The following GPC3 variants were observed in gnomAD, a reference collection of about 807,000 sequenced individuals.
GPC3 encodes glypican-3.
A neutral mutation model predicts 34.4 loss-of-function variants in GPC3; 3 were observed. The observed-to-expected ratio is 0.09, with a 90% CI of 0.04 to 0.23. The LOEUF (loss-of-function observed/expected upper bound fraction) is 0.23, where lower values mean the gene tolerates loss of function less well. GPC3 is among the 10% of genes least tolerant of loss of function. GPC3 has a pLI of 1.00. For synonymous variants in GPC3, 177 were observed against 174.0 expected (o/e 1.02, Z -0.13); for missense variants, 351 against 445.6 (o/e 0.79, Z 1.91).
At chrX:133,791,280 G>A (rs1264753270) in intron 2 of GPC3, among the ~76,000 whole-genome samples, 1 of 111,375 alleles carries the variant, frequency 9.0e-6, no homozygotes, top group Admixed American at 9.5e-5. Context: ...AGCACACAGG[G>A]TACCTAACAC....
At chrX:133,775,606 G>A (rs375395565) in intron 2 of GPC3, among the ~76,000 whole-genome samples, 3 of 111,429 alleles carry the variant, frequency 2.7e-5, no homozygotes, top group Admixed American at 9.6e-5. Context: ...AATTGGTATC[G>A]TGCCGGGGTC....
intron 3 of GPC3, 24 bp from the exon 4 acceptor site, chrX:133,700,052 T>C (rs768032642): frequency 8.7e-7 from 1 of 1,144,280 alleles, no homozygotes; most frequent in Admixed American, 2.2e-5. Flanking sequence ...TGCAATATAA[T>C]TATATGATAC....
chrX:133,885,555 T>C (rs936644052), intron 2 of GPC3, among the ~76,000 whole-genome samples: 6 of 111,419 alleles, frequency 5.4e-5, no homozygotes, highest in Non-Finnish European at 1.1e-4. Context: ...AGCAGCAAGT[T>C]AGAGGGAGAG....
chrX:133,768,473 C>T lies in GPC3; in HGVS notation c.338-14297G>A, dbSNP rs776338915. 2.7e-5 allele frequency among the ~76,000 whole-genome samples: 3 copies of T among 111,217 alleles called. No individual in the cohort carries two copies. In the South Asian group the frequency reaches 1.2e-3, roughly 43 times the overall value. ...CTCTCCTCCTTCATACCCCACTGTA[C>T]CCCCTTCTCCCCTCCTTAATTTTTG... On this transcript the variant is annotated intron_variant, in intron 2 of 7. Coordinates refer to ENST00000370818, the MANE Select transcript of GPC3 (RefSeq NM_004484.4).
intron 2 of GPC3, among the ~76,000 whole-genome samples, chrX:133,867,871 AGAG>A (rs1328458779): frequency 9.3e-6 from 1 of 107,978 alleles, no homozygotes; most frequent in African/African-American, 3.4e-5. Context: ...CTAAACGCCA[AGAG>A]GAGTTCAGCT....
At chrX:133,592,976 C>A (rs1467643697) in intron 7 of GPC3, among the ~76,000 whole-genome samples, 1 of 110,821 alleles carries the variant, frequency 9.0e-6, no homozygotes. Flanking sequence ...TGAATTGCAC[C>A]TTGAAGGATG....
chrX:133,965,170 A>ACCCC (rs368195242), intron 1 of GPC3, among the ~76,000 whole-genome samples: 1 of 102,431 alleles, frequency 9.8e-6, no homozygotes, highest in Non-Finnish European at 2.0e-5. Context: ...GAATGGTGTC[A>ACCCC]CCCCCCCCCA....
chrX:133,730,891 G>T (rs958411385), intron 3 of GPC3, among the ~76,000 whole-genome samples: 1 of 111,881 alleles, frequency 8.9e-6, no homozygotes, highest in Non-Finnish European at 1.9e-5. Flanking sequence ...TTGATCTTTG[G>T]CAATTCCTTT....
chrX:133,798,355 G>A (rs184048056), intron 2 of GPC3, among the ~76,000 whole-genome samples: 1 of 111,230 alleles, frequency 9.0e-6, no homozygotes, highest in Non-Finnish European at 1.9e-5. Context: ...TTCTTTTTAT[G>A]CTTTAGTACT....
chrX:133,806,863 T>C (rs1172356371), intron 2 of GPC3, among the ~76,000 whole-genome samples: 1 of 110,758 alleles, frequency 9.0e-6, no homozygotes, highest in African/African-American at 3.3e-5. Flanking sequence ...TTAGCCAGGA[T>C]GATCTCGATC....
chrX:133,691,628 T>G (rs2071064228), intron 5 of GPC3, among the ~76,000 whole-genome samples: 1 of 111,988 alleles, frequency 8.9e-6, no homozygotes, highest in Admixed American at 9.5e-5. Context: ...CCTTTCTCTA[T>G]CTTCATCTGT....
chrX:133,694,776 A>C (rs757430508), intron 4 of GPC3, among the ~76,000 whole-genome samples: 9 of 109,566 alleles, frequency 8.2e-5, no homozygotes, highest in South Asian at 4.1e-4. Flanking sequence ...AACAAACAAA[A>C]AAAAAACCAC....
At chrX:133,732,877 G>GT (rs1221560734) in intron 3 of GPC3, among the ~76,000 whole-genome samples, 1 of 110,444 alleles carries the variant, frequency 9.1e-6, no homozygotes. Flanking sequence ...TCTTCCTTTT[G>GT]TTTTTTTGAG....
intron 6 of GPC3, among the ~76,000 whole-genome samples, chrX:133,640,522 C>T (rs2070470044): frequency 1.8e-5 from 2 of 112,336 alleles, no homozygotes; most frequent in Admixed American, 9.4e-5. Context: ...AAAAGCACGC[C>T]GCTCTGGCAG....
chrX:133,814,999 TAAATGTCTG>T (rs1396636570), intron 2 of GPC3, among the ~76,000 whole-genome samples: 3 of 111,287 alleles, frequency 2.7e-5, no homozygotes, highest in Non-Finnish European at 5.7e-5. Context: ...GCTGACAGTG[TAAATGTCTG>T]AAAACCCAAT....
chrX:133,890,081 T>C (rs1261366358), intron 2 of GPC3, among the ~76,000 whole-genome samples: 1 of 110,847 alleles, frequency 9.0e-6, no homozygotes, highest in Non-Finnish European at 1.9e-5. Flanking sequence ...TAGCCTTCTT[T>C]TGATGTATAT....
chrX:133,937,414 A>AAGG (rs1307497388), intron 2 of GPC3, among the ~76,000 whole-genome samples: 2 of 111,852 alleles, frequency 1.8e-5, no homozygotes, highest in East Asian at 5.6e-4. Context: ...TGAGATATAA[A>AAGG]ATTGTATGCA....
intron 2 of GPC3, among the ~76,000 whole-genome samples, chrX:133,935,047 C>T (rs2076317588): frequency 9.0e-6 from 1 of 111,693 alleles, no homozygotes; most frequent in Non-Finnish European, 1.9e-5. Flanking sequence ...AGTTAATTAG[C>T]CATGACTCAA....
intron 6 of GPC3, among the ~76,000 whole-genome samples, chrX:133,616,333 T>C (rs1459380209): frequency 8.9e-6 from 1 of 111,889 alleles, no homozygotes; most frequent in Non-Finnish European, 1.9e-5. Context: ...GTGAGACTTA[T>C]ACACTGAAAA....
Sources: allele counts gnomAD v4.1 joint callset (sites outside exome capture counted in the v4.1 genomes callset), GRCh38; gene constraint gnomAD v4.1.1; transcripts MANE v1.5; gene names NCBI Gene and HGNC (gene_info 2026-07-23, HGNC 2026-07-21).